The following NINJ2 variants were observed in gnomAD, a reference collection of about 807,000 sequenced individuals.
NINJ2 encodes ninjurin 2.
In NINJ2, 12 loss-of-function variants were observed where a neutral mutation model predicts 11.7. The ratio of observed to expected loss-of-function variants is 1.02; its 90% CI spans 0.66 to 1.66. The LOEUF (loss-of-function observed/expected upper bound fraction) is 1.66. Ranked by LOEUF, NINJ2 falls within the 40% of genes most tolerant of loss-of-function variation. The pLI is 0.00. For synonymous variants in NINJ2, 93 were observed against 76.8 expected, an observed-to-expected ratio of 1.21 and a Z score of -1.10; for missense variants, 187 against 181.8, an observed-to-expected ratio of 1.03 and a Z score of -0.16.
chr12:609,900 C>T (rs903499370), intron 1 of NINJ2, among the ~76,000 whole-genome samples: 1 of 149,728 alleles, frequency 6.7e-6, no homozygotes, highest in African/African-American at 2.5e-5. Context: ...CATGATGGCA[C>T]CACTGCACTC....
chr12:623,307 G>A (rs957907425), intron 1 of NINJ2, among the ~76,000 whole-genome samples: 5 of 152,114 alleles, frequency 3.3e-5, no homozygotes, highest in Admixed American at 1.3e-4. Flanking sequence ...CCCATCTCTA[G>A]GAAGGATCTC....
rs948592162 is a variant in NINJ2 at position 585,918 on chromosome 12, G to C, written c.34-19740C>G. ...CTCAGGGCCATCTCAGCTGGCTCCA[G>C]ACAGACAAGAAGACTCCTTCAGTGT... is the stretch of plus-strand genomic sequence containing the variant. On this transcript the variant is annotated intron_variant, in intron 1 of 3. Coordinates refer to ENST00000305108, the MANE Select transcript of NINJ2 (RefSeq NM_016533.6). This position sits in a 1 kb window ranked among gnomAD's most constrained non-coding sequence, Gnocchi z 4.1. 1.3e-5 allele frequency: 2 copies of C among 152,166 alleles called. No individual in the cohort carries two copies. Among genetic ancestry groups the C allele is most frequent in the Non-Finnish European group, 2.9e-5 (2 of 68,052 alleles). The allele number at this position is 152,166 out of a possible 1,614,324, so 9.4% of individuals were successfully genotyped here.
At chr12:622,304 G>A (rs1948161941) in intron 1 of NINJ2, among the ~76,000 whole-genome samples, 1 of 148,846 alleles carries the variant, frequency 6.7e-6, no homozygotes, top group East Asian at 2.0e-4. Context: ...CAGCTACTCA[G>A]GAGGCTGAAG....
At chr12:643,635 A>G (rs765525879) in intron 1 of NINJ2, 4 of 988,058 alleles carry the variant, frequency 4.0e-6, no homozygotes, top group Non-Finnish European at 4.8e-6. Flanking sequence ...CTGCTTTGCA[A>G]CGAAGCCAAA....
intron 1 of NINJ2, among the ~76,000 whole-genome samples, chr12:615,168 C>A (rs1302445840): frequency 1.3e-5 from 2 of 152,162 alleles, no homozygotes; most frequent in African/African-American, 4.8e-5. Context: ...GATATGCACG[C>A]CCCATTAGGA....
intron 1 of NINJ2, among the ~76,000 whole-genome samples, chr12:639,213 A>G (rs1948391600): frequency 6.6e-6 from 1 of 152,158 alleles, no homozygotes; most frequent in South Asian, 2.1e-4. Flanking sequence ...AAAGAACTGT[A>G]GTTAATGTTA....
chr12:634,578 T>C (rs773381151), intron 1 of NINJ2, among the ~76,000 whole-genome samples: 18 of 151,984 alleles, frequency 1.2e-4, no homozygotes, highest in Non-Finnish European at 2.5e-4. Context: ...TTCTTTTTCT[T>C]CTGCAGTAAA....
intron 1 of NINJ2, among the ~76,000 whole-genome samples, chr12:598,646 G>A (rs905866211): frequency 1.6e-4 from 24 of 152,260 alleles, no homozygotes; most frequent in African/African-American, 5.3e-4. Context: ...ATCTTTGGCC[G>A]ATAGAATTAA....
chr12:629,524 T>C (rs1392978996), intron 1 of NINJ2, among the ~76,000 whole-genome samples: 1 of 152,160 alleles, frequency 6.6e-6, no homozygotes, highest in Non-Finnish European at 1.5e-5. Flanking sequence ...ACCCACAGCC[T>C]GTGGGCCCCG....
intron 1 of NINJ2, among the ~76,000 whole-genome samples, chr12:610,071 G>T (rs1005394098): frequency 6.6e-6 from 1 of 151,876 alleles, no homozygotes; most frequent in East Asian, 1.9e-4. Flanking sequence ...ACTCCCAGCT[G>T]TCCTACTAGC....
intron 1 of NINJ2, among the ~76,000 whole-genome samples, chr12:630,676 C>T (rs867732421): frequency 2.0e-5 from 3 of 152,254 alleles, no homozygotes; most frequent in Non-Finnish European, 2.9e-5. Flanking sequence ...CGCTCCCCGC[C>T]GCTGCTTCTA....
chr12:633,203 TA>T lies in NINJ2; in HGVS notation c.33+30124del, dbSNP rs201652661. On this transcript the variant is annotated intron_variant, in intron 1 of 3. Coordinates refer to ENST00000305108, the MANE Select transcript of NINJ2 (RefSeq NM_016533.6). The surrounding 1 kb of genome is among the most constrained non-coding windows in gnomAD (Gnocchi z 4.3). ...CTAAAACTGTGCCCCACTCCTCCAT[TA>T]AAAAAAAACAAGGCCGGGCGCGGTG... Among the ~76,000 whole-genome samples, 6 of 149,914 alleles carry T rather than the reference TA, an allele frequency of 4.0e-5. No homozygotes were observed. Among genetic ancestry groups the T allele is most frequent in the African/African-American group, 7.3e-5 (3 of 40,966 alleles).
chr12:599,056 A>G (rs1440246711), intron 1 of NINJ2, among the ~76,000 whole-genome samples: 1 of 152,038 alleles, frequency 6.6e-6, no homozygotes, highest in East Asian at 1.9e-4. Context: ...CGAAAAAGAG[A>G]GAAATATTGA....
intron 1 of NINJ2, among the ~76,000 whole-genome samples, chr12:649,701 C>G (rs2120522873): frequency 6.6e-6 from 1 of 151,680 alleles, no homozygotes; most frequent in South Asian, 2.1e-4. Flanking sequence ...AGAAAAGTAA[C>G]AGATGAAAAT....
rs983042788 is a variant in NINJ2 at position 581,318 on chromosome 12, C to CG, written c.34-15141dup. On this transcript the variant is annotated intron_variant, in intron 1 of 3. Transcript: ENST00000305108. This position sits in a 1 kb window ranked among gnomAD's most constrained non-coding sequence, Gnocchi z 4.9. The stretch of plus-strand genomic sequence containing the variant: ...ACTGGTGCATTATCCGGAGGGAGCT[C>CG]GGGGGGCCCAGGAGGTCAAGATAGA... Among the ~76,000 whole-genome samples, 2 of 152,062 alleles carry CG rather than the reference C, an allele frequency of 1.3e-5. No homozygotes were observed. Among genetic ancestry groups the CG allele is most frequent in the African/African-American group, 4.8e-5 (2 of 41,398 alleles).
intron 1 of NINJ2, 107 bp downstream of exon 1, chr12:663,221 G>T: frequency 1.0e-6 from 1 of 999,178 alleles, no homozygotes; most frequent in South Asian, 1.5e-5. Flanking sequence ...TGAGTAAGAA[G>T]AGAACGGGGA....
chr12:657,971 A>G (rs1419008382), intron 1 of NINJ2, among the ~76,000 whole-genome samples: 1 of 149,076 alleles, frequency 6.7e-6, no homozygotes, highest in Non-Finnish European at 1.5e-5. Context: ...TTGTGTTTAC[A>G]CAAAAACCTA....
At chr12:639,110 G>A (rs757909499) in intron 1 of NINJ2, among the ~76,000 whole-genome samples, 5 of 151,972 alleles carry the variant, frequency 3.3e-5, no homozygotes, top group Admixed American at 2.6e-4. Flanking sequence ...TGGTCCATCC[G>A]TTTATTTCCT....
rs771407459 is a variant in NINJ2 at position 565,293 on chromosome 12, G to T, written c.371C>A (p.Ala124Asp). 2 of 1,614,206 alleles carry T rather than the reference G, an allele frequency of 1.2e-6. No homozygotes were observed. Residue 124 changes from alanine to aspartate, a missense_variant, in exon 3 of 4, where the codon GCC (alanine) becomes GAC (aspartate). Coordinates refer to ENST00000305108, the MANE Select transcript of NINJ2 (RefSeq NM_016533.6). ...GAACCCTGTTTTATGTGCCCCGAAG[G>T]CTGTAATGAAAACATTGATGACCAC... is the stretch of plus-strand genomic sequence containing the variant. The part of the protein sequence containing the change: ...FTVVINVFIT[A>D]FGAHKTGFLA...
Sources: gnomAD v4.1 joint callset for allele counts (sites outside exome capture counted in the v4.1 genomes callset) on GRCh38, gnomAD v4.1.1 for gene constraint, Gnocchi (gnomAD v3.1) non-coding constraint, MANE v1.5 for transcripts, NCBI Gene and HGNC (gene_info 2026-07-23, HGNC 2026-07-21) for gene names.